SOX5: variants seen among roughly 807,000 people sequenced by gnomAD.
SOX5 encodes transcription factor SOX-5.
In SOX5, 9 loss-of-function variants were observed where a neutral mutation model predicts 92.0. That is an observed-to-expected ratio of 0.10 (90% confidence interval 0.06 to 0.17). SOX5 has a LOEUF of 0.17. Ranked by LOEUF, SOX5 falls within the 10% of genes least tolerant of loss-of-function variation. The pLI is 1.00. For synonymous variants in SOX5, 344 were observed against 336.3 expected (o/e 1.02, Z -0.25); for missense variants, 642 against 944.5 (o/e 0.68, Z 4.20).
At chr12:24,139,979 G>A (rs1437332389) in intron 4 of SOX5, among the ~76,000 whole-genome samples, 1 of 152,170 alleles carries the variant, frequency 6.6e-6, no homozygotes, top group East Asian at 1.9e-4. Context: ...CATTACTGTG[G>A]TGGTACAGAT....
intron 3 of SOX5, among the ~76,000 whole-genome samples, chr12:24,218,916 C>T (rs1039846428): frequency 6.6e-6 from 1 of 151,992 alleles, no homozygotes; most frequent in Non-Finnish European, 1.5e-5. Flanking sequence ...TATTGTAATA[C>T]AATCCAAGTG....
At chr12:23,853,414 T>C (rs554475219) in intron 2 of SOX5, among the ~76,000 whole-genome samples, 7 of 152,046 alleles carry the variant, frequency 4.6e-5, no homozygotes, top group African/African-American at 1.7e-4. Context: ...AATTTAATGA[T>C]GGTGAATGAA....
intron 1 of SOX5, among the ~76,000 whole-genome samples, chr12:23,906,123 C>T (rs1172887044): frequency 6.6e-6 from 1 of 152,102 alleles, no homozygotes; most frequent in Non-Finnish European, 1.5e-5. Context: ...CCAATAGGAG[C>T]ATTTTGTTGT....
intron 1 of SOX5, among the ~76,000 whole-genome samples, chr12:24,555,240 A>G (rs373183526): frequency 2.6e-5 from 4 of 152,220 alleles, no homozygotes; most frequent in African/African-American, 4.8e-5. Flanking sequence ...TTGCTACTCA[A>G]CTGAATAGAA....
At chr12:24,287,970 A>C (rs928140903) in intron 2 of SOX5, among the ~76,000 whole-genome samples, 1 of 152,160 alleles carries the variant, frequency 6.6e-6, no homozygotes, top group African/African-American at 2.4e-5. Flanking sequence ...GAAATTTTGG[A>C]ATCCCTCAAA....
At chr12:23,925,289 T>C (rs902170023) in intron 1 of SOX5, among the ~76,000 whole-genome samples, 2 of 152,138 alleles carry the variant, frequency 1.3e-5, no homozygotes, top group African/African-American at 4.8e-5. Flanking sequence ...AATAATTTAC[T>C]GAATAGAGTT....
intron 2 of SOX5, among the ~76,000 whole-genome samples, chr12:23,868,566 T>C (rs759348386): frequency 1.3e-5 from 2 of 152,118 alleles, no homozygotes; most frequent in African/African-American, 4.8e-5. Context: ...TTCTGACACA[T>C]AGCAGACCAA....
chr12:23,915,550 T>G (rs1181300914), intron 1 of SOX5, among the ~76,000 whole-genome samples: 2 of 152,132 alleles, frequency 1.3e-5, no homozygotes, highest in East Asian at 3.9e-4. Context: ...TCAAATAACG[T>G]TAGTTTCAAT....
intron 2 of SOX5, among the ~76,000 whole-genome samples, chr12:24,277,590 G>C (rs975019526): frequency 6.8e-6 from 1 of 146,852 alleles, no homozygotes; most frequent in Admixed American, 6.8e-5. Context: ...ATATTTAAAT[G>C]TAAATTTACA....
At chr12:23,737,359 T>C (rs1322762556) in intron 5 of SOX5, among the ~76,000 whole-genome samples, 4 of 151,900 alleles carry the variant, frequency 2.6e-5, no homozygotes, top group Non-Finnish European at 5.9e-5. Flanking sequence ...GCCAACATAG[T>C]GAAACCCCGT....
At chr12:23,681,793 T>G (rs891941510) in intron 6 of SOX5, among the ~76,000 whole-genome samples, 3 of 151,770 alleles carry the variant, frequency 2.0e-5, no homozygotes, top group Non-Finnish European at 3.0e-5. Context: ...AGGCAAAAAT[T>G]ATAATTGTAT....
chr12:24,452,552 A>G (rs1489351140), intron 1 of SOX5, among the ~76,000 whole-genome samples: 1 of 152,160 alleles, frequency 6.6e-6, no homozygotes, highest in Non-Finnish European at 1.5e-5. Flanking sequence ...TGGAATTTAA[A>G]ATAAAGCACT....
At chr12:24,373,472 C>T (rs988513465) in intron 1 of SOX5, among the ~76,000 whole-genome samples, 1 of 152,216 alleles carries the variant, frequency 6.6e-6, no homozygotes, top group African/African-American at 2.4e-5. Context: ...AATTTAGTTT[C>T]CTTTTCTTAA....
At chr12:23,884,445 G>A (rs144394018) in intron 2 of SOX5, among the ~76,000 whole-genome samples, 10 of 152,114 alleles carry the variant, frequency 6.6e-5, no homozygotes, top group African/African-American at 2.4e-4. Context: ...TTGCCCAATA[G>A]CCTATTATTC....
chr12:23,662,983 A>C (rs1316879238), intron 7 of SOX5, among the ~76,000 whole-genome samples: 1 of 152,202 alleles, frequency 6.6e-6, no homozygotes, highest in Admixed American at 6.6e-5. Context: ...AATGGTTGAC[A>C]ACCTTGAGGG....
chr12:23,555,739 CAAACA>C (rs1020229466), intron 11 of SOX5, among the ~76,000 whole-genome samples: 1 of 152,140 alleles, frequency 6.6e-6, no homozygotes, highest in Non-Finnish European at 1.5e-5. Flanking sequence ...ACTTCAAGCT[CAAACA>C]AATCAAAATG....
chr12:24,428,726 CAAAAAAAAAAAAAA>C (rs57964050), intron 1 of SOX5, among the ~76,000 whole-genome samples: 6 of 32,596 alleles, frequency 1.8e-4, no homozygotes, highest in Middle Eastern at 0.042. Context: ...CTCTGTTTCT[CAAAAAAAAAAAAAA>C]AAAAAAAAAA....
chr12:24,073,986 T>G (rs1420302844), intron 4 of SOX5, among the ~76,000 whole-genome samples: 3 of 152,068 alleles, frequency 2.0e-5, no homozygotes, highest in African/African-American at 7.2e-5. Flanking sequence ...TCTTGATAGA[T>G]TCTCAATAAA....
At chr12:23,692,297 C>A (rs1286011099) in intron 6 of SOX5, among the ~76,000 whole-genome samples, 1 of 151,834 alleles carries the variant, frequency 6.6e-6, no homozygotes, top group African/African-American at 2.4e-5. Context: ...ATTAGACAGG[C>A]ATGGCAGCCG....
Sources: gnomAD v4.1 joint callset for allele counts (sites outside exome capture counted in the v4.1 genomes callset) on GRCh38, gnomAD v4.1.1 for gene constraint, MANE v1.5 for transcripts, NCBI Gene and HGNC (gene_info 2026-07-23, HGNC 2026-07-21) for gene names.